The following FZD7 variants were observed in gnomAD, a reference collection of about 807,000 sequenced individuals.
The protein encoded by FZD7 is frizzled class receptor 7.
FZD7 carries 21 observed loss-of-function variants against 39.0 expected under a neutral mutation model. The observed-to-expected ratio is 0.54, with a 90% CI of 0.38 to 0.78. The LOEUF (loss-of-function observed/expected upper bound fraction) is 0.78. Among genes scored for constraint, FZD7 ranks in the 30% least tolerant of loss-of-function variants. FZD7 has a pLI of 0.00. For missense variants in FZD7, 695 were observed against 805.0 expected (o/e 0.86, Z 1.65); for synonymous variants, 428 against 364.9 (o/e 1.17, Z -1.97).
chr2:202,034,576 C>A lies in FZD7; in HGVS notation c.-72C>A, dbSNP rs1262690541. 11 of 1,315,726 alleles carry A rather than the reference C, an allele frequency of 8.4e-6. No individual in the cohort carries two copies. Among genetic ancestry groups the A allele is most frequent in the Non-Finnish European group, 1.0e-5 (10 of 986,546 alleles). 81.5% of individuals were successfully genotyped at this position (1,315,726 alleles called of 1,614,324 possible). ...TGCGTCGGGCGCGGCGGCGCCTCCC[C>A]GCATCCAAGCCTCTCCCAACCGCCT... On this transcript the variant is annotated 5_prime_UTR_variant, in exon 1 of 1. Transcript: ENST00000286201.
At position 202,036,193 on chromosome 2, in the gene FZD7, C is replaced by T. The variant is rs1287718003; in HGVS notation, c.1546C>T (p.Pro516Ser). 13 of 1,613,562 alleles carry T rather than the reference C, an allele frequency of 8.1e-6. No homozygotes were observed. Among genetic ancestry groups the T allele is most frequent in the Non-Finnish European group, 1.1e-5 (13 of 1,179,990 alleles). Reference protein sequence around the residue: ...QTCKSYAVPCPPGHFPPMSPD... With the variant: ...QTCKSYAVPCSPGHFPPMSPD... Reference sequence around the variant, plus strand: ...GTGCAAGAGCTATGCCGTGCCCTGCCCGCCCGGCCACTTCCCGCCCATGAG... The same window carrying T: ...GTGCAAGAGCTATGCCGTGCCCTGCTCGCCCGGCCACTTCCCGCCCATGAG... Residue 516 changes from proline to serine, a missense_variant, in exon 1 of 1, where the codon CCG becomes TCG. Physicochemically the swap from Pro to Ser is moderately conservative, Grantham distance 74 (BLOSUM62 -1). Coordinates refer to ENST00000286201, the MANE Select transcript of FZD7 (RefSeq NM_003507.2).
Position 202,035,802 on chromosome 2 carries a change from G to T in FZD7, c.1155G>T (p.Ala385=), listed in dbSNP as rs140334850. Residue 385 remains alanine, a synonymous_variant, in exon 1 of 1, where the codon GCG becomes GCT. Transcript: ENST00000286201. ...ACTCGCAGTACTTCCACCTGGCCGC[G>T]TGGGCCGTGCCCGCCGTCAAGACCA... ...EANSQYFHLA[A]WAVPAVKTIT... is the part of the protein sequence containing the mutation. 4 of 1,614,078 alleles carry T rather than the reference G, an allele frequency of 2.5e-6. No homozygotes were observed. Among genetic ancestry groups the T allele is most frequent in the Non-Finnish European group, 3.4e-6 (4 of 1,180,018 alleles).
Position 202,035,076 on chromosome 2 carries a change from C to T in FZD7, c.429C>T (p.Pro143=). 6.2e-7 allele frequency: 1 copy of T among 1,611,098 alleles called. No homozygotes were observed. The highest frequency in any genetic ancestry group is 8.5e-7 in the Non-Finnish European group (1 of 1,179,656). ...TGAACAAGTTCGGCTTCCAGTGGCC[C>T]GAGCGGCTGCGCTGCGAGAACTTCC... is the stretch of plus-strand genomic sequence containing the variant. ...ALMNKFGFQW[P]ERLRCENFPV... Residue 143 remains proline (P), a synonymous_variant, in exon 1 of 1, where the codon CCC becomes CCT. Transcript: ENST00000286201.
rs769990859 is a variant in FZD7, at chr2:202,035,422, G to A, written c.775G>A (p.Val259Met). 3.1e-6 allele frequency: 5 copies of A among 1,613,918 alleles called. No homozygotes were observed. Among genetic ancestry groups the A allele is most frequent in the Non-Finnish European group, 4.2e-6 (5 of 1,179,996 alleles). ...ERRFARLWVG[V>M]WSVLCCASTL... ...GCGCTTCGCCCGCCTCTGGGTGGGC[G>A]TGTGGTCCGTGCTGTGCTGCGCCTC... Residue 259 changes from valine to methionine, a missense_variant, in exon 1 of 1, where the codon GTG becomes ATG. Val to Met is a conservative substitution (Grantham distance 21, BLOSUM62 1). Coordinates refer to ENST00000286201, the MANE Select transcript of FZD7 (RefSeq NM_003507.2).
At position 202,035,176 on chromosome 2, in the gene FZD7, A is replaced by G. The variant is rs750610497; in HGVS notation, c.529A>G (p.Thr177Ala). 6 of 1,600,760 alleles carry G rather than the reference A, an allele frequency of 3.7e-6. No individual in the cohort carries two copies. Among genetic ancestry groups the G allele is most frequent in the Non-Finnish European group, 5.1e-6 (6 of 1,179,348 alleles). The change falls in exon 1 of 1, where the codon ACT becomes GCT. Residue 177 changes from threonine (T) to alanine (A), a missense_variant. By Grantham distance (58) the Thr-to-Ala change is moderately conservative. Transcript: ENST00000286201. Reference sequence around the variant, plus strand: ...CTCCGGGGGCCCAGGCGGCGGCCCCACTGCCTACCCTACCGCGCCCTACCT... The same window carrying G: ...CTCCGGGGGCCCAGGCGGCGGCCCCGCTGCCTACCCTACCGCGCCCTACCT... ...DGSGGPGGGP[T>A]AYPTAPYLPD...
rs1414579483 is a variant in FZD7 at position 202,034,887 on chromosome 2, C to T, written c.240C>T (p.Gly80=). 2 of 1,614,194 alleles carry T rather than the reference C, an allele frequency of 1.2e-6. No homozygotes were observed. The highest frequency in any genetic ancestry group is 1.1e-5 in the South Asian group (1 of 91,088). Residue 80 remains glycine, a synonymous_variant, in exon 1 of 1, where the codon GGC becomes GGT. Coordinates refer to ENST00000286201, the MANE Select transcript of FZD7 (RefSeq NM_003507.2). ...GCCACACGAACCAAGAGGACGCGGG[C>T]CTCGAGGTGCACCAGTTCTACCCGC... The part of the protein sequence containing the change: ...LLGHTNQEDA[G]LEVHQFYPLV...
In FZD7 at chr2:202,037,220, A is replaced by C. The variant is rs562677787; in HGVS notation, c.*848A>C. 6.0e-6 allele frequency: 1 copy of C among 167,064 alleles called. No homozygotes were observed. The highest frequency in any genetic ancestry group is 2.1e-4 in the South Asian group (1 of 4,826). The allele number at this position is 167,064 out of a possible 1,614,324, so 10.3% of individuals were successfully genotyped here. A position where few individuals can be genotyped will look rare whatever the true frequency, so the allele number is the denominator to read the frequency against. On this transcript the variant is annotated 3_prime_UTR_variant, in exon 1 of 1. Transcript: ENST00000286201. ...TTGTTGCTTTTCAAAACAGGAATGCATTTTTCCCCTTGTCTTTGTTGTAAG... is the reference window on the plus strand; with the variant it reads ...TTGTTGCTTTTCAAAACAGGAATGCCTTTTTCCCCTTGTCTTTGTTGTAAG...
At position 202,036,057 on chromosome 2, in the gene FZD7, C is replaced by T. The variant is rs1446152392; in HGVS notation, c.1410C>T (p.Arg470=). ...KTEKLEKLMV[R]IGVFSVLYTV... ...AGAAGCTGGAGAAGCTCATGGTGCG[C>T]ATCGGCGTCTTCAGCGTGCTCTACA... Residue 470 remains arginine, a synonymous_variant, in exon 1 of 1, where the codon CGC becomes CGT. Coordinates refer to ENST00000286201, the MANE Select transcript of FZD7 (RefSeq NM_003507.2). 1 of 1,613,134 alleles carries T rather than the reference C, an allele frequency of 6.2e-7. No individual in the cohort carries two copies. Among genetic ancestry groups the T allele is most frequent in the East Asian group, 2.2e-5 (1 of 44,798 alleles).
Position 202,034,547 on chromosome 2 carries a change from C to T in FZD7, c.-101C>T. On this transcript the variant is annotated 5_prime_UTR_variant, in exon 1 of 1. Coordinates refer to ENST00000286201, the MANE Select transcript of FZD7 (RefSeq NM_003507.2). Reference sequence around the variant, plus strand: ...GCCCGGCCCCGGCGCCGTGAGGACTCTCATGCGTCGGGCGCGGCGGCGCCT... The same window carrying T: ...GCCCGGCCCCGGCGCCGTGAGGACTTTCATGCGTCGGGCGCGGCGGCGCCT... The T allele has an allele frequency of 3.7e-6, 4 of 1,069,346 alleles. No homozygotes were observed. The highest frequency in any genetic ancestry group is 1.7e-5 in the African/African-American group (1 of 59,700). The allele number at this position is 1,069,346 out of a possible 1,614,324, so 66.2% of individuals were successfully genotyped here.
Position 202,034,231 on chromosome 2 carries a change from T to C in FZD7, c.-417T>C, listed in dbSNP as rs959517977. Among the ~76,000 whole-genome samples, 1 of 151,530 alleles carries C rather than the reference T, an allele frequency of 6.6e-6. No individual in the cohort carries two copies. Among genetic ancestry groups the C allele is most frequent in the Non-Finnish European group, 1.5e-5 (1 of 67,846 alleles). On this transcript the variant is annotated 5_prime_UTR_variant, in exon 1 of 1. Transcript: ENST00000286201. ...CGAGCGGCGGCGGCAGGGGTTCTCC[T>C]AGCGGGGACCGGACCAGGCGCGGGG...
In FZD7 at chr2:202,036,427, C is replaced by G; in HGVS notation, c.*55C>G. 1.0e-5 allele frequency: 14 copies of G among 1,387,016 alleles called. No individual in the cohort carries two copies. Among genetic ancestry groups the G allele is most frequent in the Non-Finnish European group, 1.4e-5 (14 of 1,000,574 alleles). 85.9% of individuals were successfully genotyped at this position (1,387,016 alleles called of 1,614,324 possible). ...CAGCCCTCTTGCAAGAGGAGAGGCACGGTAGGGAAAAGAACTGCTGGGTGG... is the reference window on the plus strand; with the variant it reads ...CAGCCCTCTTGCAAGAGGAGAGGCAGGGTAGGGAAAAGAACTGCTGGGTGG... On this transcript the variant is annotated 3_prime_UTR_variant, in exon 1 of 1. Transcript: ENST00000286201.
rs1360868434 is a variant in FZD7, at chr2:202,036,509, G to A, written c.*137G>A. On this transcript the variant is annotated 3_prime_UTR_variant, in exon 1 of 1. Transcript: ENST00000286201. Reference sequence around the variant, plus strand: ...CTGAGAAGTGACCTGGAAGTGAGAAGTTCTTTGCAGATTTGGGGCGAGGGG... The same window carrying A: ...CTGAGAAGTGACCTGGAAGTGAGAAATTCTTTGCAGATTTGGGGCGAGGGG... The A allele has an allele frequency of 8.4e-6, 6 of 710,194 alleles. No individual in the cohort carries two copies. The highest frequency in any genetic ancestry group is 2.1e-5 in the South Asian group (1 of 48,328). 44.0% of individuals were successfully genotyped at this position (710,194 alleles called of 1,614,324 possible). A position where few individuals can be genotyped will look rare whatever the true frequency, so the allele number is the denominator to read the frequency against.
rs766751333 is a variant in FZD7 at position 202,035,686 on chromosome 2, G to C, written c.1039G>C (p.Gly347Arg). The change falls in exon 1 of 1, where the codon GGC becomes CGC. Residue 347 changes from glycine (G) to arginine (R), a missense_variant. Physicochemically the swap from Gly to Arg is moderately radical, Grantham distance 125 (BLOSUM62 -2). Transcript: ENST00000286201. ...TILFMVLYFF[G>R]MASSIWWVIL... ...CCTCTTCATGGTGCTCTACTTCTTC[G>C]GCATGGCCAGCTCCATCTGGTGGGT... is the stretch of plus-strand genomic sequence containing the variant. The C allele has an allele frequency of 1.2e-6, 2 of 1,613,896 alleles. No homozygotes were observed. Among genetic ancestry groups the C allele is most frequent in the Non-Finnish European group, 1.7e-6 (2 of 1,180,062 alleles).
At position 202,034,452 on chromosome 2, in the gene FZD7, GGCGGCGTCT is replaced by G. The variant is rs1688702035; in HGVS notation, c.-189_-181del. 3 of 338,466 alleles carry G rather than the reference GGCGGCGTCT, an allele frequency of 8.9e-6. No homozygotes were observed. Among genetic ancestry groups the G allele is most frequent in the South Asian group, 2.9e-4 (2 of 6,920 alleles). 21.0% of individuals were successfully genotyped at this position (338,466 alleles called of 1,614,324 possible). A position where few individuals can be genotyped will look rare whatever the true frequency, so the allele number is the denominator to read the frequency against. The stretch of plus-strand genomic sequence containing the variant: ...CCCGGCGGCCCTGCGAGTGCAGGGC[GGCGGCGTCT>G]GCGGCGCCTTCGCGGCGCGGGCACC... On this transcript the variant is annotated 5_prime_UTR_variant, in exon 1 of 1. Transcript: ENST00000286201.
At position 202,036,040 on chromosome 2, in the gene FZD7, G is replaced by A. The variant is rs1688735434; in HGVS notation, c.1393G>A (p.Glu465Lys). 6.2e-7 allele frequency: 1 copy of A among 1,614,152 alleles called. No homozygotes were observed. Among genetic ancestry groups the A allele is most frequent in the Non-Finnish European group, 8.5e-7 (1 of 1,180,038 alleles). ...CGACGGCACCAAGACCGAGAAGCTG[G>A]AGAAGCTCATGGTGCGCATCGGCGT... is the stretch of plus-strand genomic sequence containing the variant. ...KHDGTKTEKL[E>K]KLMVRIGVFS... The change falls in exon 1 of 1, where the codon GAG becomes AAG. Residue 465 changes from glutamate (E) to lysine (K), a missense_variant. Glu to Lys is a moderately conservative substitution (Grantham distance 56). Coordinates refer to ENST00000286201, the MANE Select transcript of FZD7 (RefSeq NM_003507.2).
Position 202,037,728 on chromosome 2 carries a change from T to A in FZD7, c.*1356T>A, listed in dbSNP as rs1306099040. The A allele has an allele frequency of 6.0e-6, 1 of 166,844 alleles. No individual in the cohort carries two copies. Among genetic ancestry groups the A allele is most frequent in the Admixed American group, 6.6e-5 (1 of 15,254 alleles). 10.3% of individuals were successfully genotyped at this position (166,844 alleles called of 1,614,324 possible). ...GTTCCATCAATCTGTTTATTAAACA[T>A]CATCCATATGCTGACCCTGTCTCTG... On this transcript the variant is annotated 3_prime_UTR_variant, in exon 1 of 1. Coordinates refer to ENST00000286201, the MANE Select transcript of FZD7 (RefSeq NM_003507.2).
rs1327623843 is a variant in FZD7, at chr2:202,038,341, A to G, written c.*1969A>G. On this transcript the variant is annotated 3_prime_UTR_variant, in exon 1 of 1. Transcript: ENST00000286201. ...ATTTTTGTAAGAAAATATATATTGTATTTATACATTTTTACTTTGGATTTT... is the reference window on the plus strand; with the variant it reads ...ATTTTTGTAAGAAAATATATATTGTGTTTATACATTTTTACTTTGGATTTT... 6.0e-6 allele frequency: 1 copy of G among 166,722 alleles called. No homozygotes were observed. Among genetic ancestry groups the G allele is most frequent in the Admixed American group, 6.5e-5 (1 of 15,288 alleles). 10.3% of individuals were successfully genotyped at this position (166,722 alleles called of 1,614,324 possible).
rs758245010 is a variant in FZD7, at chr2:202,034,879, G to A, written c.232G>A (p.Asp78Asn). 3.7e-6 allele frequency: 6 copies of A among 1,614,120 alleles called. No individual in the cohort carries two copies. The South Asian group carries it at 4.4e-5, about 12-fold the overall frequency. ...CCTGCTGGGCCACACGAACCAAGAG[G>A]ACGCGGGCCTCGAGGTGCACCAGTT... is the stretch of plus-strand genomic sequence containing the variant. ...PNLLGHTNQE[D>N]AGLEVHQFYP... The change falls in exon 1 of 1, where the codon GAC (aspartate) becomes AAC (asparagine). Residue 78 changes from aspartate (D) to asparagine (N), a missense_variant. Coordinates refer to ENST00000286201, the MANE Select transcript of FZD7 (RefSeq NM_003507.2).
rs1484390454 is a variant in FZD7 at position 202,034,240 on chromosome 2, C to G, written c.-408C>G. The stretch of plus-strand genomic sequence containing the variant: ...GCGGCAGGGGTTCTCCTAGCGGGGA[C>G]CGGACCAGGCGCGGGGGGCGTGCGC... On this transcript the variant is annotated 5_prime_UTR_variant, in exon 1 of 1. Transcript: ENST00000286201. Among the ~76,000 whole-genome samples the G allele has an allele frequency of 7.2e-5, 11 of 151,764 alleles. No individual in the cohort carries two copies. Among genetic ancestry groups the G allele is most frequent in the African/African-American group, 2.2e-4 (9 of 41,362 alleles).
Sources: allele counts gnomAD v4.1 joint callset (sites outside exome capture counted in the v4.1 genomes callset), GRCh38; gene constraint gnomAD v4.1.1; transcripts MANE v1.5; gene names NCBI Gene and HGNC (gene_info 2026-07-23, HGNC 2026-07-21).